Variants in STAT3 observed in about 807,000 individuals in gnomAD.
STAT3 encodes the protein DNA-binding protein APRF.
A neutral mutation model predicts 114.3 loss-of-function variants in STAT3; 7 were observed. The ratio of observed to expected loss-of-function variants is 0.06; its 90% CI spans 0.03 to 0.11. STAT3 has a LOEUF of 0.11. Among genes scored for constraint, STAT3 ranks in the 10% least tolerant of loss-of-function variants. STAT3 has a pLI of 1.00. For synonymous variants in STAT3, 331 were observed against 354.5 expected, an observed-to-expected ratio of 0.93 and a Z score of 0.74; for missense variants, 364 against 960.9, an observed-to-expected ratio of 0.38 and a Z score of 8.21.
intron 1 of STAT3, among the ~76,000 whole-genome samples, chr17:42,369,746 A>T (rs2084003842): frequency 6.6e-6 from 1 of 151,696 alleles, no homozygotes; most frequent in Admixed American, 6.6e-5. Flanking sequence ...GAACTATCAA[A>T]CTCCTGGGCC....
At chr17:42,318,267 A>G (rs1025218861) in intron 21 of STAT3, among the ~76,000 whole-genome samples, 3 of 151,944 alleles carry the variant, frequency 2.0e-5, no homozygotes, top group Non-Finnish European at 4.4e-5. Context: ...GATTACAGGC[A>G]TCTGCCACCA....
intron 1 of STAT3, among the ~76,000 whole-genome samples, chr17:42,383,159 C>G (rs1266069051): frequency 1.3e-5 from 2 of 151,956 alleles, no homozygotes; most frequent in Non-Finnish European, 2.9e-5. Flanking sequence ...CAGGTTCAAG[C>G]AATTCTCCTG....
At position 42,359,226 on chromosome 17, in the gene STAT3, G is replaced by A. The variant is rs1047033265; in HGVS notation, c.-23-10687C>T. 6.6e-5 allele frequency among the ~76,000 whole-genome samples: 10 copies of A among 152,024 alleles called. No homozygotes were observed. In the South Asian group the frequency reaches 8.3e-4, roughly 13 times the overall value. The stretch of plus-strand genomic sequence containing the variant: ...CTGGGATTACAGGCGTAAAGCCACC[G>A]CACCCAGCCAGATATTTCTTATCTT... On this transcript the variant is annotated intron_variant, in intron 1 of 23. Transcript: ENST00000264657.
chr17:42,318,743 T>C (rs1003470894), intron 21 of STAT3, among the ~76,000 whole-genome samples: 2 of 152,102 alleles, frequency 1.3e-5, no homozygotes, highest in African/African-American at 4.8e-5. Flanking sequence ...TCAGAGAGCA[T>C]GATGACCATG....
intron 3 of STAT3, 78 bp from the exon 4 acceptor site, chr17:42,345,735 T>G: frequency 7.9e-7 from 1 of 1,265,162 alleles, no homozygotes; most frequent in Non-Finnish European, 1.1e-6. Flanking sequence ...ACCTTAAAAC[T>G]AATGTATTCA....
In STAT3 at chr17:42,315,516, A is replaced by G; in HGVS notation, c.*229T>C. ...CATCCCCTGATCATGGGTCTCAGAGAACACATCCTTATTTGCATTTAGATA... is the reference window on the plus strand; with the variant it reads ...CATCCCCTGATCATGGGTCTCAGAGGACACATCCTTATTTGCATTTAGATA... On this transcript the variant is annotated 3_prime_UTR_variant, in exon 24 of 24. Coordinates refer to ENST00000264657, the MANE Select transcript of STAT3 (RefSeq NM_139276.3). 4.9e-6 allele frequency: 3 copies of G among 617,478 alleles called. No homozygotes were observed. The highest frequency in any genetic ancestry group is 2.6e-5 in the Admixed American group (1 of 37,902). The allele number at this position is 617,478 out of a possible 1,614,324, so 38.2% of individuals were successfully genotyped here.
At chr17:42,369,913 C>T (rs1022911964) in intron 1 of STAT3, among the ~76,000 whole-genome samples, 3 of 152,114 alleles carry the variant, frequency 2.0e-5, no homozygotes, top group African/African-American at 4.8e-5. Context: ...CCTGCCTCAG[C>T]CTCCCAAAAC....
chr17:42,319,328 G>A (rs1009836596), intron 21 of STAT3, among the ~76,000 whole-genome samples: 2 of 152,012 alleles, frequency 1.3e-5, no homozygotes, highest in Non-Finnish European at 2.9e-5. Context: ...GATCACTTGA[G>A]GTCAGGGGTT....
chr17:42,371,852 G>A (rs963293317), intron 1 of STAT3, among the ~76,000 whole-genome samples: 9 of 151,214 alleles, frequency 6.0e-5, no homozygotes, highest in South Asian at 4.2e-4. Context: ...ACATGGTGGC[G>A]TGCACCTGTA....
intron 10 of STAT3, among the ~76,000 whole-genome samples, chr17:42,332,053 A>G (rs1256810385): frequency 2.0e-5 from 3 of 151,142 alleles, no homozygotes; most frequent in Non-Finnish European, 4.4e-5. Flanking sequence ...TCAGCCTCTC[A>G]AGTAGCTGGG....
chr17:42,370,394 T>A (rs1216305470), intron 1 of STAT3, among the ~76,000 whole-genome samples: 5 of 151,660 alleles, frequency 3.3e-5, no homozygotes, highest in Admixed American at 2.0e-4. Flanking sequence ...TACAGGCGCC[T>A]GCCACCACAC....
chr17:42,341,737 G>A (rs960365673), intron 4 of STAT3, among the ~76,000 whole-genome samples: 2 of 151,988 alleles, frequency 1.3e-5, no homozygotes, highest in Non-Finnish European at 2.9e-5. Context: ...TTTCTCTAAG[G>A]GACAGAGGGT....
At chr17:42,325,307 G>T in intron 15 of STAT3, 1 of 504,102 alleles carries the variant, frequency 2.0e-6, no homozygotes, top group Non-Finnish European at 3.6e-6. Flanking sequence ...AACCTGACTT[G>T]CTCAAAGCTT....
At chr17:42,364,343 A>C (rs1018125149) in intron 1 of STAT3, among the ~76,000 whole-genome samples, 1 of 152,166 alleles carries the variant, frequency 6.6e-6, no homozygotes, top group Non-Finnish European at 1.5e-5. Flanking sequence ...AGGCTGCCAA[A>C]CTTTTCAAAA....
intron 8 of STAT3, among the ~76,000 whole-genome samples, chr17:42,336,075 C>A (rs1489657289): frequency 1.3e-5 from 2 of 152,136 alleles, no homozygotes; most frequent in African/African-American, 4.8e-5. Context: ...GGTCAGGAAG[C>A]ATTTAAAACT....
At chr17:42,323,898 C>T (rs775193435) in intron 17 of STAT3, among the ~76,000 whole-genome samples, 1 of 152,170 alleles carries the variant, frequency 6.6e-6, no homozygotes, top group Non-Finnish European at 1.5e-5. Flanking sequence ...AGGCTGGGAA[C>T]CAACAGCAGC....
At chr17:42,373,292 G>A (rs2084261293) in intron 1 of STAT3, among the ~76,000 whole-genome samples, 2 of 152,170 alleles carry the variant, frequency 1.3e-5, no homozygotes, top group African/African-American at 4.8e-5. Context: ...GGAGGTTGCA[G>A]TGAGCCGAGA....
chr17:42,332,312 G>T (rs1380385644), intron 10 of STAT3, among the ~76,000 whole-genome samples: 23 of 151,336 alleles, frequency 1.5e-4, no homozygotes, highest in African/African-American at 5.6e-4. Context: ...GGCCAAGGCA[G>T]GTGGATCACA....
chr17:42,369,226 A>AG (rs1196332838), intron 1 of STAT3, among the ~76,000 whole-genome samples: 4 of 152,022 alleles, frequency 2.6e-5, no homozygotes, highest in African/African-American at 9.7e-5. Flanking sequence ...GGCATGGTGG[A>AG]GGGCACCTGT....
Sources: allele counts gnomAD v4.1 joint callset (sites outside exome capture counted in the v4.1 genomes callset), GRCh38; gene constraint gnomAD v4.1.1; transcripts MANE v1.5; gene names NCBI Gene and HGNC (gene_info 2026-07-23, HGNC 2026-07-21).